SLC16A7: variants seen among roughly 807,000 people sequenced by gnomAD.
SLC16A7 encodes the protein solute carrier family 16 member 7.
A neutral mutation model predicts 34.9 loss-of-function variants in SLC16A7; 33 were observed. The observed-to-expected ratio is 0.94, with a 90% CI of 0.72 to 1.26. The LOEUF (loss-of-function observed/expected upper bound fraction) is 1.26, where lower values mean the gene tolerates loss of function less well. Ranked by LOEUF, SLC16A7 falls within the 50% of genes most tolerant of loss-of-function variation. The pLI is 0.00. For synonymous variants in SLC16A7, 201 were observed against 206.6 expected, an observed-to-expected ratio of 0.97 and a Z score of 0.23; for missense variants, 573 against 578.1, an observed-to-expected ratio of 0.99 and a Z score of 0.09.
Position 59,693,648 on chromosome 12 carries a change from A to T in SLC16A7, c.-30-11124A>T, listed in dbSNP as rs538814558. Among the ~76,000 whole-genome samples the T allele has an allele frequency of 1.4e-3, 213 of 152,052 alleles. 1 individual carries two copies. The highest frequency in any genetic ancestry group is 6.8e-3 in the Middle Eastern group (2 of 294). Reference sequence around the variant, plus strand: ...GCACAGGTGTAAATAAGCTGGAAAGATGATGAATTTCAAAAGACTTTGAAG... The same window carrying T: ...GCACAGGTGTAAATAAGCTGGAAAGTTGATGAATTTCAAAAGACTTTGAAG... On this transcript the variant is annotated intron_variant, in intron 2 of 5. Transcript: ENST00000547379.
At chr12:59,694,351 T>G (rs549396668) in intron 2 of SLC16A7, among the ~76,000 whole-genome samples, 1 of 151,914 alleles carries the variant, frequency 6.6e-6, no homozygotes, top group African/African-American at 2.4e-5. Flanking sequence ...TTAAAAAAAC[T>G]TTTAAACCAC....
chr12:59,758,204 G>A (rs1880613704), intron 3 of SLC16A7, among the ~76,000 whole-genome samples: 1 of 151,902 alleles, frequency 6.6e-6, no homozygotes, highest in Admixed American at 6.6e-5. Flanking sequence ...ATGCTTTACT[G>A]TACACTTAAA....
chr12:59,768,690 G>C (rs774973201), intron 3 of SLC16A7, among the ~76,000 whole-genome samples: 66 of 152,090 alleles, frequency 4.3e-4, no homozygotes, highest in Non-Finnish European at 2.1e-4. Context: ...CAACAAACTT[G>C]TTTGTCTTAT....
chr12:59,667,157 C>A (rs1254171364), intron 2 of SLC16A7, among the ~76,000 whole-genome samples: 2 of 152,146 alleles, frequency 1.3e-5, no homozygotes, highest in East Asian at 3.9e-4. Context: ...GAAAGAACAG[C>A]CTCCATGATT....
intron 2 of SLC16A7, among the ~76,000 whole-genome samples, chr12:59,685,374 G>A (rs923958393): frequency 6.6e-6 from 1 of 152,162 alleles, no homozygotes; most frequent in Non-Finnish European, 1.5e-5. Context: ...CGATGGAAAT[G>A]ATCTATTTCA....
intron 1 of SLC16A7, among the ~76,000 whole-genome samples, chr12:59,615,744 T>G (rs886451297): frequency 1.3e-5 from 2 of 152,272 alleles, no homozygotes; most frequent in African/African-American, 2.4e-5. Flanking sequence ...GCTGAAATAG[T>G]GTCCTAAACA....
chr12:59,669,438 A>T (rs1200863962), intron 2 of SLC16A7, among the ~76,000 whole-genome samples: 1 of 152,174 alleles, frequency 6.6e-6, no homozygotes, highest in Non-Finnish European at 1.5e-5. Context: ...TTAGATATTT[A>T]TATTCAGAGC....
In SLC16A7 at chr12:59,785,407, C is replaced by T. The variant is rs533540898; in HGVS notation, c.*5728C>T. On this transcript the variant is annotated 3_prime_UTR_variant, in exon 6 of 6. Transcript: ENST00000547379. Reference sequence around the variant, plus strand: ...TTGAGAATGGTCATTTTAAAAGTCTCTACCTTAAGAGCAAAATTAATATTG... The same window carrying T: ...TTGAGAATGGTCATTTTAAAAGTCTTTACCTTAAGAGCAAAATTAATATTG... 20 of 152,218 alleles carry T rather than the reference C, an allele frequency of 1.3e-4. No homozygotes were observed. Among genetic ancestry groups the T allele is most frequent in the African/African-American group, 4.8e-4 (20 of 41,550 alleles). 9.4% of individuals were successfully genotyped at this position (152,218 alleles called of 1,614,324 possible).
At chr12:59,664,315 A>C (rs1239245819) in intron 2 of SLC16A7, among the ~76,000 whole-genome samples, 1 of 152,128 alleles carries the variant, frequency 6.6e-6, no homozygotes, top group Admixed American at 6.6e-5. Flanking sequence ...GATGGTACTA[A>C]TGATCTATCA....
intron 2 of SLC16A7, among the ~76,000 whole-genome samples, chr12:59,680,677 C>T (rs1237594022): frequency 6.6e-6 from 1 of 152,076 alleles, no homozygotes; most frequent in Non-Finnish European, 1.5e-5. Flanking sequence ...TTGCCTCTCT[C>T]CTCTACTAAA....
intron 3 of SLC16A7, among the ~76,000 whole-genome samples, chr12:59,721,504 A>G (rs1298149977): frequency 6.6e-6 from 1 of 151,952 alleles, no homozygotes; most frequent in Non-Finnish European, 1.5e-5. Flanking sequence ...TATAACCATG[A>G]TATTCTAACC....
intron 2 of SLC16A7, among the ~76,000 whole-genome samples, chr12:59,681,640 G>T (rs1021982516): frequency 6.6e-6 from 1 of 152,090 alleles, no homozygotes; most frequent in Non-Finnish European, 1.5e-5. Context: ...GGAAGGAAAC[G>T]GAATGAAGAG....
At chr12:59,747,342 C>T (rs66928951) in intron 3 of SLC16A7, among the ~76,000 whole-genome samples, 5,295 of 152,050 alleles carry the variant, frequency 0.035, 136 homozygotes, top group Non-Finnish European at 0.049. Flanking sequence ...TAAACAACAA[C>T]GAAATTGTTA....
intron 2 of SLC16A7, chr12:59,664,818 G>C (rs954139177): frequency 7.2e-5 from 11 of 152,144 alleles, no homozygotes; most frequent in African/African-American, 2.7e-4. Flanking sequence ...AGAGGGGAGG[G>C]CAAAGCAGAG....
At chr12:59,732,415 C>T (rs1877063201) in intron 3 of SLC16A7, among the ~76,000 whole-genome samples, 2 of 152,094 alleles carry the variant, frequency 1.3e-5, no homozygotes, top group African/African-American at 4.8e-5. Flanking sequence ...AGCAAAACTC[C>T]GTCTCAAGGG....
At chr12:59,660,023 T>A (rs1282223951) in intron 2 of SLC16A7, among the ~76,000 whole-genome samples, 1 of 152,150 alleles carries the variant, frequency 6.6e-6, no homozygotes, top group African/African-American at 2.4e-5. Flanking sequence ...ACTCTTCTAA[T>A]ACTAAATCAA....
chr12:59,653,135 A>C (rs1868375207), intron 1 of SLC16A7, among the ~76,000 whole-genome samples: 3 of 151,854 alleles, frequency 2.0e-5, no homozygotes, highest in Non-Finnish European at 3.0e-5. Flanking sequence ...TGAAACTTTT[A>C]CTGCACTATT....
chr12:59,613,915 T>A (rs1212127879), intron 1 of SLC16A7, among the ~76,000 whole-genome samples: 2 of 152,190 alleles, frequency 1.3e-5, no homozygotes, highest in Non-Finnish European at 2.9e-5. Context: ...AGATACAAGA[T>A]GATGAAGAAC....
intron 4 of SLC16A7, among the ~76,000 whole-genome samples, chr12:59,773,688 C>T (rs1226401238): frequency 6.6e-6 from 1 of 151,990 alleles, no homozygotes; most frequent in Non-Finnish European, 1.5e-5. Context: ...CCTCAGCCTA[C>T]CAAGTAGCTG....
Sources: gnomAD v4.1 joint callset for allele counts (sites outside exome capture counted in the v4.1 genomes callset) on GRCh38, gnomAD v4.1.1 for gene constraint, MANE v1.5 for transcripts, NCBI Gene and HGNC (gene_info 2026-07-23, HGNC 2026-07-21) for gene names.